The following PRKAR2B variants were observed in gnomAD, a reference collection of about 807,000 sequenced individuals.
PRKAR2B encodes the protein cAMP-dependent protein kinase type II-beta regulatory subunit.
In PRKAR2B, 14 loss-of-function variants were observed where a neutral mutation model predicts 49.9. The observed-to-expected ratio is 0.28, with a 90% CI of 0.19 to 0.44. The LOEUF (loss-of-function observed/expected upper bound fraction) is 0.44. Among genes scored for constraint, PRKAR2B ranks in the 20% least tolerant of loss-of-function variants. The probability of loss-of-function intolerance (pLI) is 1.00; values close to 1 mark genes in which losing one functional copy is unlikely to be tolerated. For missense variants in PRKAR2B, 393 were observed against 537.9 expected (o/e 0.73, Z 2.67); for synonymous variants, 196 against 197.7 (o/e 0.99, Z 0.07).
chr7:107,151,362 T>C (rs2115666572), intron 7 of PRKAR2B, among the ~76,000 whole-genome samples: 1 of 152,362 alleles, frequency 6.6e-6, no homozygotes, highest in Non-Finnish European at 1.5e-5. Flanking sequence ...AGATATAGAA[T>C]GTCCTCTCTG....
intron 2 of PRKAR2B, among the ~76,000 whole-genome samples, chr7:107,078,938 C>T (rs1246920477): frequency 1.3e-5 from 2 of 152,206 alleles, no homozygotes; most frequent in African/African-American, 4.8e-5. Flanking sequence ...ATAGTGTCCT[C>T]AGACTCTTCA....
Position 107,044,810 on chromosome 7 carries a change from CCAGCGCCGTAGGCGCTCG to C in PRKAR2B, c.-96_-79del. ...CGCCGCGCTCGCAGCCGGTAGCGCG[CCAGCGCCGTAGGCGCTCG>C]CTCGGCAGCCGCGGGGCCCTAGGCC... is the stretch of plus-strand genomic sequence containing the variant. On this transcript the variant is annotated 5_prime_UTR_variant, in exon 1 of 11. Coordinates refer to ENST00000265717, the MANE Select transcript of PRKAR2B (RefSeq NM_002736.3). 1 of 1,009,834 alleles carries C rather than the reference CCAGCGCCGTAGGCGCTCG, an allele frequency of 9.9e-7. No homozygotes were observed. Among genetic ancestry groups the C allele is most frequent in the Non-Finnish European group, 1.3e-6 (1 of 789,380 alleles). 62.6% of individuals were successfully genotyped at this position (1,009,834 alleles called of 1,614,324 possible).
chr7:107,075,313 G>C (rs543332080), intron 2 of PRKAR2B, among the ~76,000 whole-genome samples: 13 of 151,982 alleles, frequency 8.6e-5, no homozygotes, highest in Non-Finnish European at 2.9e-5. Context: ...ATGTTGGCCA[G>C]GATGGTCTCA....
chr7:107,048,388 G>T (rs1793738240), intron 1 of PRKAR2B, among the ~76,000 whole-genome samples: 1 of 151,222 alleles, frequency 6.6e-6, no homozygotes, highest in Non-Finnish European at 1.5e-5. Flanking sequence ...TCACAAGTCA[G>T]GTTTTCCTGT....
At chr7:107,124,783 A>T (rs977550526) in intron 3 of PRKAR2B, among the ~76,000 whole-genome samples, 14 of 147,668 alleles carry the variant, frequency 9.5e-5, no homozygotes, top group Non-Finnish European at 2.1e-4. Flanking sequence ...TGTTTTTCTA[A>T]TTTTTTTTTT....
rs79596882 is a variant in PRKAR2B, at chr7:107,075,344, G to A, written c.343+5028G>A. 1.1e-4 allele frequency among the ~76,000 whole-genome samples: 17 copies of A among 150,908 alleles called. No homozygotes were observed. The East Asian group carries it at 2.9e-3, about 26-fold the overall frequency. On this transcript the variant is annotated intron_variant, in intron 2 of 10. Transcript: ENST00000265717. ...TCTCAATCTCCTGACCTCGTGATCC[G>A]CCCACCTTGGCCTCCCAAAATGCTG...
intron 6 of PRKAR2B, among the ~76,000 whole-genome samples, chr7:107,147,602 T>C (rs1795916539): frequency 6.6e-6 from 1 of 152,206 alleles, no homozygotes; most frequent in Non-Finnish European, 1.5e-5. Flanking sequence ...TCTGATTCAG[T>C]GGTTCTGGGG....
intron 5 of PRKAR2B, among the ~76,000 whole-genome samples, chr7:107,143,383 C>T (rs1021662231): frequency 6.6e-6 from 1 of 152,178 alleles, no homozygotes; most frequent in African/African-American, 2.4e-5. Flanking sequence ...TATTCAGCAT[C>T]CCCGAAGGGG....
intron 2 of PRKAR2B, among the ~76,000 whole-genome samples, chr7:107,074,773 G>A (rs1053899751): frequency 3.3e-5 from 5 of 152,120 alleles, no homozygotes; most frequent in Admixed American, 1.3e-4. Context: ...ACTCCAGCCT[G>A]AGCGACAGAG....
intron 2 of PRKAR2B, among the ~76,000 whole-genome samples, chr7:107,082,892 G>T (rs1198172949): frequency 6.6e-6 from 1 of 152,128 alleles, no homozygotes; most frequent in African/African-American, 2.4e-5. Context: ...GAGCCACCGT[G>T]CCTGGCATAA....
At chr7:107,065,080 A>T (rs1221740915) in intron 1 of PRKAR2B, among the ~76,000 whole-genome samples, 1 of 152,218 alleles carries the variant, frequency 6.6e-6, no homozygotes, top group Non-Finnish European at 1.5e-5. Flanking sequence ...CATGGTTTCA[A>T]TTTACACAGT....
chr7:107,045,886 G>T (rs988100163), intron 1 of PRKAR2B, among the ~76,000 whole-genome samples: 2 of 152,200 alleles, frequency 1.3e-5, no homozygotes, highest in South Asian at 2.1e-4. Context: ...ACGAGGAAAT[G>T]GGTTAATGGT....
intron 1 of PRKAR2B, among the ~76,000 whole-genome samples, chr7:107,053,955 T>C (rs1413484161): frequency 4.6e-5 from 7 of 152,208 alleles, no homozygotes; most frequent in African/African-American, 1.7e-4. Context: ...TCTTGTAACT[T>C]TTGAAAAATG....
Position 107,153,219 on chromosome 7 carries a change from G to A in PRKAR2B, c.886G>A (p.Val296Ile). ...AGTAGTAGATGTGATAGGCACCAAA[G>A]TATACAACGATGGAGAACAAATCAT... ...LKVVDVIGTKVYNDGEQIIAQ... is the reference protein window; with the variant it reads ...LKVVDVIGTKIYNDGEQIIAQ... Residue 296 changes from valine to isoleucine, a missense_variant, in exon 8 of 11, where the codon GTA (valine) becomes ATA (isoleucine). Physicochemically the swap from Val to Ile is conservative, Grantham distance 29. Transcript: ENST00000265717. 1.2e-6 allele frequency: 2 copies of A among 1,609,192 alleles called. No individual in the cohort carries two copies. Among genetic ancestry groups the A allele is most frequent in the Non-Finnish European group, 1.7e-6 (2 of 1,177,724 alleles).
chr7:107,086,221 C>A (rs1396306903), intron 2 of PRKAR2B, among the ~76,000 whole-genome samples: 1 of 151,974 alleles, frequency 6.6e-6, no homozygotes, highest in Non-Finnish European at 1.5e-5. Context: ...ATCTGAGGTT[C>A]AATGGCTTTG....
intron 4 of PRKAR2B, among the ~76,000 whole-genome samples, chr7:107,138,961 G>A (rs1795746952): frequency 6.6e-6 from 1 of 151,906 alleles, no homozygotes. Context: ...TTACAGCCAT[G>A]AGCCACTGAA....
chr7:107,102,051 CA>C lies in PRKAR2B; in HGVS notation c.344-19895del, dbSNP rs1379430884. On this transcript the variant is annotated intron_variant, in intron 2 of 10. Transcript: ENST00000265717. The stretch of plus-strand genomic sequence containing the variant: ...CCAGTCTGCTGATCAGAACACGATA[CA>C]AAAAATTAGCCGGGCATGGTGGCAC... 2.0e-5 allele frequency among the ~76,000 whole-genome samples: 3 copies of C among 151,796 alleles called. No homozygotes were observed. The East Asian group carries it at 5.8e-4, about 29-fold the overall frequency.
intron 6 of PRKAR2B, among the ~76,000 whole-genome samples, chr7:107,147,179 T>TG (rs1051445501): frequency 6.6e-6 from 1 of 152,132 alleles, no homozygotes; most frequent in African/African-American, 2.4e-5. Context: ...GGCACGGTCG[T>TG]GGGTGCCTGT....
intron 2 of PRKAR2B, among the ~76,000 whole-genome samples, chr7:107,088,402 AG>A (rs1309575877): frequency 6.6e-6 from 1 of 152,094 alleles, no homozygotes; most frequent in Non-Finnish European, 1.5e-5. Flanking sequence ...GTGGAGGGTG[AG>A]GGGAAAGGAG....
Sources: gnomAD v4.1 joint callset for allele counts (sites outside exome capture counted in the v4.1 genomes callset) on GRCh38, gnomAD v4.1.1 for gene constraint, MANE v1.5 for transcripts, NCBI Gene and HGNC (gene_info 2026-07-23, HGNC 2026-07-21) for gene names.